FCRL2: variants seen among roughly 807,000 people sequenced by gnomAD.
FCRL2 encodes the protein Fc receptor-like protein 2.
In FCRL2, 48 loss-of-function variants were observed where a neutral mutation model predicts 59.8. That is an observed-to-expected ratio of 0.80 (90% CI 0.64 to 1.02). The LOEUF (loss-of-function observed/expected upper bound fraction) is 1.02, where lower values mean the gene tolerates loss of function less well. Ranked by LOEUF, FCRL2 falls within the 50% of genes least tolerant of loss-of-function variation. The probability of loss-of-function intolerance (pLI) is 0.00; values close to 1 mark genes in which losing one functional copy is unlikely to be tolerated. For synonymous variants in FCRL2, 251 were observed against 229.5 expected (o/e 1.09, Z -0.85); for missense variants, 658 against 597.3 (o/e 1.10, Z -1.06).
intron 7 of FCRL2, among the ~76,000 whole-genome samples, chr1:157,750,028 T>C (rs1209702945): frequency 6.6e-6 from 1 of 152,244 alleles, no homozygotes; most frequent in African/African-American, 2.4e-5. Context: ...TAACCATTGA[T>C]GACTAATTTT....
At position 157,768,586 on chromosome 1, in the gene FCRL2, G is replaced by A; in HGVS notation, c.711C>T (p.Phe237=). The change falls in exon 5 of 12, where the codon TTC becomes TTT. Residue 237 remains phenylalanine, a synonymous_variant. Transcript: ENST00000361516. ...TTCCTGTGGCCTCTCTGTACCAGGA[G>A]AATGTGACATTTCCTGTACCCCCAG... ...SVAGGTGNVT[F]SWYREATGTS... is the part of the protein sequence containing the mutation. 1 of 1,614,200 alleles carries A rather than the reference G, an allele frequency of 6.2e-7. No homozygotes were observed. The highest frequency in any genetic ancestry group is 8.5e-7 in the Non-Finnish European group (1 of 1,180,032).
At chr1:157,774,481 T>C (rs2101770665) in intron 2 of FCRL2, 1 of 456,240 alleles carries the variant, frequency 2.2e-6, no homozygotes, top group South Asian at 1.5e-5. Context: ...GATCTCAAAC[T>C]TCTGAAGAAC....
At position 157,767,424 on chromosome 1, in the gene FCRL2, G is replaced by A; in HGVS notation, c.969C>T (p.Ala323=). 3 of 1,614,196 alleles carry A rather than the reference G, an allele frequency of 1.9e-6. No individual in the cohort carries two copies. Among genetic ancestry groups the A allele is most frequent in the Non-Finnish European group, 2.5e-6 (3 of 1,180,036 alleles). ...ACAAGATTGGGGGAGAGCCTCTCAG[G>A]GCCTCACAGTGAAGCTCCAGCAGGT... ...VGDLLELHCE[A]LRGSPPILYQ... The change falls in exon 6 of 12, where the codon GCC becomes GCT. Residue 323 remains alanine (A), a synonymous_variant. Coordinates refer to ENST00000361516, the MANE Select transcript of FCRL2 (RefSeq NM_030764.4).
At chr1:157,762,342 T>C (rs1183800733) in intron 7 of FCRL2, among the ~76,000 whole-genome samples, 1 of 152,246 alleles carries the variant, frequency 6.6e-6, no homozygotes, top group Non-Finnish European at 1.5e-5. Flanking sequence ...GCCCAAACCA[T>C]GCTGGCTGCC....
intron 1 of FCRL2, 92 bp from the exon 2 acceptor site, chr1:157,775,887 T>C: frequency 7.2e-7 from 1 of 1,393,704 alleles, no homozygotes; most frequent in South Asian, 1.3e-5. Context: ...CTCAAAAACT[T>C]CTTTCCATTT....
chr1:157,746,903 T>C lies in FCRL2; in HGVS notation c.1460-4A>G, dbSNP rs751367470. 1.2e-6 allele frequency: 2 copies of C among 1,613,226 alleles called. No homozygotes were observed. The highest frequency in any genetic ancestry group is 1.7e-6 in the Non-Finnish European group (2 of 1,179,974). ...TCCAGAAGTGTCCTGATGTTTGCTG[T>C]TAAGGAAAAAGTAATAGTTCTGAGC... is the stretch of plus-strand genomic sequence containing the variant. On this transcript the variant is annotated splice_region_variant and splice_polypyrimidine_tract_variant and intron_variant, in intron 10 of 11. Coordinates refer to ENST00000361516, the MANE Select transcript of FCRL2 (RefSeq NM_030764.4).
At chr1:157,772,593 A>C (rs1180795179) in intron 2 of FCRL2, among the ~76,000 whole-genome samples, 1 of 152,192 alleles carries the variant, frequency 6.6e-6, no homozygotes, top group Non-Finnish European at 1.5e-5. Flanking sequence ...GATTGATTTC[A>C]GTTCTCACAA....
At position 157,764,665 on chromosome 1, in the gene FCRL2, G is replaced by A. The variant is rs151013124; in HGVS notation, c.1279+2190C>T. On this transcript the variant is annotated intron_variant, in intron 7 of 11. Coordinates refer to ENST00000361516, the MANE Select transcript of FCRL2 (RefSeq NM_030764.4). The stretch of plus-strand genomic sequence containing the variant: ...AAATGAAGCTAGAAATCAATACCAA[G>A]ATAAATTTTGAAAACCGTACAAATA... Among the ~76,000 whole-genome samples, 150 of 152,216 alleles carry A rather than the reference G, an allele frequency of 9.9e-4. No individual in the cohort carries two copies. The Middle Eastern group carries it at 0.01, about 10-fold the overall frequency.
chr1:157,765,554 G>A (rs1388613976), intron 7 of FCRL2, among the ~76,000 whole-genome samples: 2 of 152,196 alleles, frequency 1.3e-5, no homozygotes, highest in African/African-American at 4.8e-5. Context: ...CAAAAGACGA[G>A]AAGGGGCTCA....
Position 157,749,652 on chromosome 1 carries a change from G to C in FCRL2, c.1305C>G (p.Pro435=). ...TTTTTACTAGGAAGAGTTCTCACCT[G>C]GGTTCATTAGTGGCAGAACTTTCTC... ...ISGESSATNE[P]RGASRPNPQE... Residue 435 remains proline (P), a splice_region_variant and synonymous_variant, in exon 8 of 12, where the codon CCC becomes CCG. Coordinates refer to ENST00000361516, the MANE Select transcript of FCRL2 (RefSeq NM_030764.4). 6.2e-7 allele frequency: 1 copy of C among 1,608,298 alleles called. No individual in the cohort carries two copies. The highest frequency in any genetic ancestry group is 8.5e-7 in the Non-Finnish European group (1 of 1,176,118).
At position 157,767,022 on chromosome 1, in the gene FCRL2, TTC is replaced by T. The variant is rs774824553; in HGVS notation, c.1163-53_1163-52del. On this transcript the variant is annotated intron_variant, in intron 6 of 11. Coordinates refer to ENST00000361516, the MANE Select transcript of FCRL2 (RefSeq NM_030764.4). ...CCCCAGAGGTTTAAGACTTGGGCCC[TTC>T]TTATAAATGCTATATAGGGATGTTA... The T allele has an allele frequency of 1.9e-5, 28 of 1,493,824 alleles. No homozygotes were observed. The South Asian group carries it at 3.3e-4, about 18-fold the overall frequency. 92.5% of individuals were successfully genotyped at this position (1,493,824 alleles called of 1,614,324 possible).
At chr1:157,772,043 T>A (rs1482067223) in intron 2 of FCRL2, among the ~76,000 whole-genome samples, 1 of 151,314 alleles carries the variant, frequency 6.6e-6, no homozygotes, top group East Asian at 1.9e-4. Context: ...TATATATATA[T>A]ATATTTAGCA....
At chr1:157,747,152 C>G (rs1647810605) in intron 10 of FCRL2, among the ~76,000 whole-genome samples, 1 of 152,210 alleles carries the variant, frequency 6.6e-6, no homozygotes, top group East Asian at 1.9e-4. Flanking sequence ...AGGTCATTGT[C>G]TTTATAATTT....
At chr1:157,771,632 G>A (rs898953193) in intron 2 of FCRL2, among the ~76,000 whole-genome samples, 3 of 152,162 alleles carry the variant, frequency 2.0e-5, no homozygotes, top group East Asian at 3.8e-4. Context: ...CCCAGAGGTT[G>A]TTTTCCTTAG....
At chr1:157,757,554 G>T (rs1648694318) in intron 7 of FCRL2, among the ~76,000 whole-genome samples, 1 of 152,212 alleles carries the variant, frequency 6.6e-6, no homozygotes, top group South Asian at 2.1e-4. Flanking sequence ...AAGAATTCGT[G>T]TGAGCACATA....
chr1:157,768,097 T>C (rs935402228), intron 5 of FCRL2: 1 of 275,800 alleles, frequency 3.6e-6, no homozygotes, highest in African/African-American at 2.2e-5. Context: ...AAGCAGGCTG[T>C]TACCACTATG....
At chr1:157,772,984 C>A (rs1359368115) in intron 2 of FCRL2, among the ~76,000 whole-genome samples, 1 of 152,152 alleles carries the variant, frequency 6.6e-6, no homozygotes, top group African/African-American at 2.4e-5. Flanking sequence ...CAAAGCAAGT[C>A]ATGTAGACTT....
chr1:157,754,794 C>T (rs1296485245), intron 7 of FCRL2, among the ~76,000 whole-genome samples: 1 of 151,848 alleles, frequency 6.6e-6, no homozygotes, highest in Middle Eastern at 3.2e-3. Context: ...GGAGAAATCC[C>T]ATCTCTATAA....
chr1:157,748,797 C>A lies in FCRL2; in HGVS notation c.1393+78G>T. 9 of 1,392,590 alleles carry A rather than the reference C, an allele frequency of 6.5e-6. No homozygotes were observed. The South Asian group carries it at 9.5e-5, about 15-fold the overall frequency. The allele number at this position is 1,392,590 out of a possible 1,614,324, so 86.3% of individuals were successfully genotyped here. ...TCTGGTGTTGGGGTGTCTACACCACCCACCTAATGGTCTCCGCTCCTGTCT... is the reference window on the plus strand; with the variant it reads ...TCTGGTGTTGGGGTGTCTACACCACACACCTAATGGTCTCCGCTCCTGTCT... On this transcript the variant is annotated intron_variant, in intron 9 of 11. Coordinates refer to ENST00000361516, the MANE Select transcript of FCRL2 (RefSeq NM_030764.4).
Sources: allele counts gnomAD v4.1 joint callset (sites outside exome capture counted in the v4.1 genomes callset), GRCh38; gene constraint gnomAD v4.1.1; transcripts MANE v1.5; gene names NCBI Gene and HGNC (gene_info 2026-07-23, HGNC 2026-07-21).